Variants in TIAM1 observed in about 807,000 individuals in gnomAD.
The protein encoded by TIAM1 is rho guanine nucleotide exchange factor TIAM1.
A neutral mutation model predicts 163.5 loss-of-function variants in TIAM1; 65 were observed. The ratio of observed to expected loss-of-function variants is 0.40; its 90% CI spans 0.33 to 0.49. The LOEUF (loss-of-function observed/expected upper bound fraction) is 0.49, where lower values mean the gene tolerates loss of function less well. TIAM1 is among the 20% of genes least tolerant of loss of function. The probability of loss-of-function intolerance (pLI) is 0.77; values close to 1 mark genes in which losing one functional copy is unlikely to be tolerated. For synonymous variants in TIAM1, 833 were observed against 810.1 expected (o/e 1.03, Z -0.48); for missense variants, 1,789 against 2,044.7 (o/e 0.87, Z 2.41).
intron 1 of TIAM1, among the ~76,000 whole-genome samples, chr21:31,492,928 T>C (rs1235569322): frequency 1.3e-5 from 2 of 152,112 alleles, no homozygotes; most frequent in Non-Finnish European, 2.9e-5. Context: ...ATAAATAATT[T>C]TTTAAGGTGT....
chr21:31,400,215 C>T (rs565075881), intron 2 of TIAM1, among the ~76,000 whole-genome samples: 2 of 152,010 alleles, frequency 1.3e-5, no homozygotes, highest in Non-Finnish European at 2.9e-5. Context: ...GCAACCTCCA[C>T]CCCCTGGGTT....
intron 20 of TIAM1, among the ~76,000 whole-genome samples, chr21:31,145,790 G>A (rs2083079497): frequency 6.6e-6 from 1 of 152,028 alleles, no homozygotes; most frequent in African/African-American, 2.4e-5. Context: ...TATACGGTAA[G>A]TCCTCACTTA....
intron 15 of TIAM1, among the ~76,000 whole-genome samples, chr21:31,167,251 C>A (rs2084279308): frequency 6.6e-6 from 1 of 151,936 alleles, no homozygotes; most frequent in Non-Finnish European, 1.5e-5. Flanking sequence ...ACCACCATGT[C>A]CGGCTAACTT....
In TIAM1 at chr21:31,395,786, A is replaced by T. The variant is rs909642616; in HGVS notation, c.-368-56364T>A. On this transcript the variant is annotated intron_variant, in intron 2 of 28. Transcript: ENST00000286827. The surrounding 1 kb of genome is among the most constrained non-coding windows in gnomAD (Gnocchi z 7.5). ...TATTAAAAGGACGTGAGATGCATGG[A>T]ATTAATGAACAACTATCTGTGAAAA... Among the ~76,000 whole-genome samples the T allele has an allele frequency of 5.3e-5, 8 of 152,156 alleles. No homozygotes were observed. Among genetic ancestry groups the T allele is most frequent in the African/African-American group, 1.9e-4 (8 of 41,436 alleles).
intron 16 of TIAM1, among the ~76,000 whole-genome samples, chr21:31,155,399 T>G (rs889541068): frequency 2.6e-5 from 4 of 152,254 alleles, no homozygotes; most frequent in African/African-American, 9.6e-5. Flanking sequence ...TCAATATGTT[T>G]TAAAGCTCTC....
At chr21:31,432,857 T>G (rs2044089467) in intron 2 of TIAM1, among the ~76,000 whole-genome samples, 1 of 152,142 alleles carries the variant, frequency 6.6e-6, no homozygotes, top group African/African-American at 2.4e-5. Flanking sequence ...AATCTGTATG[T>G]GGTCGCTCCC....
chr21:31,410,081 G>A (rs116180638), intron 2 of TIAM1, among the ~76,000 whole-genome samples: 2 of 145,348 alleles, frequency 1.4e-5, no homozygotes, highest in Non-Finnish European at 1.5e-5. Flanking sequence ...CACTGAGGGC[G>A]TAGCAGTGTG....
intron 1 of TIAM1, among the ~76,000 whole-genome samples, chr21:31,481,541 C>T (rs1028147098): frequency 1.3e-5 from 2 of 152,146 alleles, no homozygotes; most frequent in African/African-American, 4.8e-5. Context: ...GCCCACACTT[C>T]GGCTTGACCA....
At chr21:31,375,510 C>T (rs1429395099) in intron 2 of TIAM1, among the ~76,000 whole-genome samples, 10 of 141,776 alleles carry the variant, frequency 7.1e-5, no homozygotes, top group Non-Finnish European at 1.4e-4. Flanking sequence ...GTTTTTTCAA[C>T]TTCCCACCAT....
At chr21:31,355,879 A>G (rs2076309458) in intron 2 of TIAM1, among the ~76,000 whole-genome samples, 1 of 152,052 alleles carries the variant, frequency 6.6e-6, no homozygotes, top group South Asian at 2.1e-4. Flanking sequence ...ACACATGCTG[A>G]ATATTTTCTT....
chr21:31,289,755 G>A (rs2073944491), intron 2 of TIAM1, among the ~76,000 whole-genome samples: 1 of 152,132 alleles, frequency 6.6e-6, no homozygotes, highest in Non-Finnish European at 1.5e-5. Context: ...GCAATTCCTG[G>A]GGAGTCATGG....
At chr21:31,473,693 G>A (rs2045837924) in intron 1 of TIAM1, among the ~76,000 whole-genome samples, 1 of 151,920 alleles carries the variant, frequency 6.6e-6, no homozygotes, top group Admixed American at 6.6e-5. Flanking sequence ...AGCAGGAAAG[G>A]GGTCCCAGTA....
chr21:31,451,725 GTGT>G, intron 2 of TIAM1, among the ~76,000 whole-genome samples: 1 of 132,786 alleles, frequency 7.5e-6, no homozygotes, highest in East Asian at 2.1e-4. Flanking sequence ...GTGCGTGTGT[GTGT>G]GTGTGTGTGT....
intron 2 of TIAM1, among the ~76,000 whole-genome samples, chr21:31,290,663 A>G: frequency 6.7e-6 from 1 of 149,596 alleles, no homozygotes; most frequent in African/African-American, 2.5e-5. Context: ...AAAAAAAAAA[A>G]AAAAAAAAAA....
chr21:31,522,749 C>A (rs2047646337), intron 1 of TIAM1, among the ~76,000 whole-genome samples: 2 of 152,124 alleles, frequency 1.3e-5, no homozygotes, highest in Admixed American at 1.3e-4. Context: ...TTATAAAGTT[C>A]TATCCAAATG....
At position 31,187,103 on chromosome 21, in the gene TIAM1, A is replaced by G. The variant is rs759581217; in HGVS notation, c.2576-16T>C. On this transcript the variant is annotated splice_polypyrimidine_tract_variant and intron_variant, in intron 13 of 27. Coordinates refer to ENST00000541036, the MANE Select transcript of TIAM1 (RefSeq NM_001353694.2). ...AGTGAAAACCCTGTGAAACACAAAA[A>G]GACAGAATGGCAGGGCTCACACCTT... is the stretch of plus-strand genomic sequence containing the variant. 2 of 1,612,684 alleles carry G rather than the reference A, an allele frequency of 1.2e-6. No individual in the cohort carries two copies. The highest frequency in any genetic ancestry group is 2.7e-5 in the African/African-American group (2 of 74,932).
chr21:31,525,888 G>C (rs1271761703), intron 1 of TIAM1, among the ~76,000 whole-genome samples: 3 of 151,956 alleles, frequency 2.0e-5, no homozygotes, highest in Non-Finnish European at 4.4e-5. Flanking sequence ...ACAAAAATTA[G>C]CTGGGCTTGG....
At chr21:31,315,253 G>A (rs560404038) in intron 2 of TIAM1, among the ~76,000 whole-genome samples, 23 of 151,504 alleles carry the variant, frequency 1.5e-4, no homozygotes, top group African/African-American at 5.1e-4. Flanking sequence ...AGTGGCTCAC[G>A]CCTGTAATCC....
At chr21:31,397,935 G>A (rs958941226) in intron 2 of TIAM1, among the ~76,000 whole-genome samples, 1 of 152,062 alleles carries the variant, frequency 6.6e-6, no homozygotes, top group African/African-American at 2.4e-5. Flanking sequence ...GATGAACCAT[G>A]GAATACCTGA....
Sources: gnomAD v4.1 joint callset for allele counts (sites outside exome capture counted in the v4.1 genomes callset) on GRCh38, gnomAD v4.1.1 for gene constraint, Gnocchi (gnomAD v3.1) non-coding constraint, MANE v1.5 for transcripts, NCBI Gene and HGNC (gene_info 2026-07-23, HGNC 2026-07-21) for gene names.